KCNJ3: variants seen among roughly 807,000 people sequenced by gnomAD.
KCNJ3 encodes potassium inwardly rectifying channel subfamily J member 3, also known as G protein-activated inward rectifier potassium channel 1.
In KCNJ3, 4 loss-of-function variants were observed where a neutral mutation model predicts 39.2. The ratio of observed to expected loss-of-function variants is 0.10; its 90% CI spans 0.05 to 0.23. KCNJ3 has a LOEUF of 0.23. Ranked by LOEUF, KCNJ3 falls within the 10% of genes least tolerant of loss-of-function variation. KCNJ3 has a pLI of 1.00. For synonymous variants in KCNJ3, 230 were observed against 237.4 expected (o/e 0.97, Z 0.29); for missense variants, 276 against 634.9 (o/e 0.43, Z 6.08).
At chr2:154,809,577 G>A (rs906257140) in intron 2 of KCNJ3, among the ~76,000 whole-genome samples, 3 of 152,212 alleles carry the variant, frequency 2.0e-5, no homozygotes, top group Admixed American at 1.3e-4. Context: ...TTTTAGCACC[G>A]TCTACCACAG....
intron 2 of KCNJ3, among the ~76,000 whole-genome samples, chr2:154,786,798 T>C (rs1381701026): frequency 6.6e-6 from 1 of 152,200 alleles, no homozygotes; most frequent in Non-Finnish European, 1.5e-5. Context: ...TTTAGAATAG[T>C]AGTTGCCAAA....
rs1281817361 is a variant in KCNJ3 at position 154,724,827 on chromosome 2, T to C, written c.919+15008T>C. Among the ~76,000 whole-genome samples the C allele has an allele frequency of 1.8e-4, 27 of 147,366 alleles. 1 individual carries two copies. In the Admixed American group the frequency reaches 1.8e-3, roughly 10 times the overall value. ...AATTATTTATAAATAAAATATACAT[T>C]TATATTTATATTTATACTTATATTT... On this transcript the variant is annotated intron_variant, in intron 2 of 2. Transcript: ENST00000295101.
At chr2:154,743,373 T>G (rs935552528) in intron 2 of KCNJ3, among the ~76,000 whole-genome samples, 4 of 151,744 alleles carry the variant, frequency 2.6e-5, no homozygotes, top group African/African-American at 9.7e-5. Context: ...AGTTTTTCTA[T>G]TTCTTCAAAA....
At chr2:154,709,526 T>G (rs1238227154) in intron 1 of KCNJ3, 77 bp from the exon 2 acceptor site, 1 of 1,394,520 alleles carries the variant, frequency 7.2e-7, no homozygotes, top group South Asian at 1.3e-5. Context: ...TTGGCAATGA[T>G]GTAAATTACT....
intron 2 of KCNJ3, among the ~76,000 whole-genome samples, chr2:154,832,445 TTTCTC>T (rs1369905398): frequency 1.3e-5 from 2 of 152,196 alleles, no homozygotes; most frequent in Non-Finnish European, 2.9e-5. Flanking sequence ...GATGGAAACA[TTTCTC>T]TTTTAAGATT....
intron 2 of KCNJ3, among the ~76,000 whole-genome samples, chr2:154,765,940 G>A (rs1482198122): frequency 6.6e-6 from 1 of 152,136 alleles, no homozygotes; most frequent in African/African-American, 2.4e-5. Context: ...GTGATATTTA[G>A]TCTGATTCTA....
chr2:154,744,396 T>C (rs954639200), intron 2 of KCNJ3, among the ~76,000 whole-genome samples: 1 of 151,826 alleles, frequency 6.6e-6, no homozygotes, highest in African/African-American at 2.4e-5. Flanking sequence ...GTATTGTTTA[T>C]AACTAGTGTT....
At chr2:154,723,862 A>T (rs986757998) in intron 2 of KCNJ3, among the ~76,000 whole-genome samples, 19 of 152,154 alleles carry the variant, frequency 1.2e-4, no homozygotes, top group African/African-American at 3.9e-4. Flanking sequence ...AGTCTTTTAA[A>T]AATCCTTCAG....
chr2:154,730,201 T>C (rs1482345071), intron 2 of KCNJ3, among the ~76,000 whole-genome samples: 2 of 152,018 alleles, frequency 1.3e-5, no homozygotes, highest in Non-Finnish European at 2.9e-5. Context: ...GCCTGGGAAA[T>C]TATCTCTCCA....
intron 2 of KCNJ3, among the ~76,000 whole-genome samples, chr2:154,766,156 G>T (rs951871495): frequency 1.3e-5 from 2 of 152,158 alleles, no homozygotes; most frequent in Admixed American, 6.6e-5. Context: ...ATTTCTTTCT[G>T]CAAAAGGACG....
At chr2:154,782,677 C>G (rs1246560565) in intron 2 of KCNJ3, among the ~76,000 whole-genome samples, 3 of 152,116 alleles carry the variant, frequency 2.0e-5, no homozygotes, top group Non-Finnish European at 4.4e-5. Flanking sequence ...ATAAAGTGTT[C>G]TCTCTGTGAA....
rs60716680 is a variant in KCNJ3, at chr2:154,777,698, T to G, written c.919+67879T>G. Among the ~76,000 whole-genome samples the G allele has an allele frequency of 2.4e-4, 36 of 152,326 alleles. No homozygotes were observed. In the East Asian group the frequency reaches 7.0e-3, roughly 29 times the overall value. ...AGGATTTTGGGAATGTTTTAATTTT[T>G]TTTCTTTTGAAATGTATTTCTTCAG... On this transcript the variant is annotated intron_variant, in intron 2 of 2. Coordinates refer to ENST00000295101, the MANE Select transcript of KCNJ3 (RefSeq NM_002239.4).
chr2:154,707,141 A>G (rs1326748898), intron 1 of KCNJ3, among the ~76,000 whole-genome samples: 1 of 152,142 alleles, frequency 6.6e-6, no homozygotes, highest in Non-Finnish European at 1.5e-5. Flanking sequence ...ATACATATGT[A>G]AAGAATTTCA....
intron 2 of KCNJ3, among the ~76,000 whole-genome samples, chr2:154,776,999 G>A (rs1686347478): frequency 6.6e-6 from 1 of 151,916 alleles, no homozygotes; most frequent in Non-Finnish European, 1.5e-5. Flanking sequence ...TCTTGTGCTA[G>A]TTTATCCAGA....
At chr2:154,848,498 C>T (rs1255234859) in intron 2 of KCNJ3, among the ~76,000 whole-genome samples, 1 of 151,960 alleles carries the variant, frequency 6.6e-6, no homozygotes. Context: ...TTCTTTTTCC[C>T]GTCCAGTAGG....
At chr2:154,764,796 G>A (rs944609145) in intron 2 of KCNJ3, among the ~76,000 whole-genome samples, 1 of 152,172 alleles carries the variant, frequency 6.6e-6, no homozygotes, top group Non-Finnish European at 1.5e-5. Context: ...TGGGCTGCAT[G>A]CAGCCTAAGG....
chr2:154,709,506 G>C, intron 1 of KCNJ3, 97 bp from the exon 2 acceptor site: 1 of 1,233,240 alleles, frequency 8.1e-7, no homozygotes, highest in Non-Finnish European at 1.1e-6. Flanking sequence ...ATGATTGATA[G>C]TGCAGAATGT....
chr2:154,856,198 C>A lies in KCNJ3; in HGVS notation c.*885C>A, dbSNP rs1045695829. On this transcript the variant is annotated 3_prime_UTR_variant, in exon 3 of 3. Coordinates refer to ENST00000295101, the MANE Select transcript of KCNJ3 (RefSeq NM_002239.4). The stretch of plus-strand genomic sequence containing the variant: ...ATTCCTTTCCTAGACTAATTAAAAT[C>A]TGGAAATCTGTTTTGTATATGATCT... 1.3e-5 allele frequency: 2 copies of A among 152,508 alleles called. No homozygotes were observed. Among genetic ancestry groups the A allele is most frequent in the African/African-American group, 4.8e-5 (2 of 41,424 alleles). 9.4% of individuals were successfully genotyped at this position (152,508 alleles called of 1,614,324 possible).
rs6704877 is a variant in KCNJ3, at chr2:154,740,286, T to C, written c.919+30467T>C. ...TGATTGATCTTATGTTCCCTGTTGT[T>C]GCCAGTAATTAAAAAGGTACCTGCT... On this transcript the variant is annotated intron_variant, in intron 2 of 2. Coordinates refer to ENST00000295101, the MANE Select transcript of KCNJ3 (RefSeq NM_002239.4). 3.0e-3 allele frequency among the ~76,000 whole-genome samples: 455 copies of C among 152,188 alleles called. 1 individual carries two copies. The highest frequency in any genetic ancestry group is 9.0e-3 in the African/African-American group (372 of 41,550).
Sources: gnomAD v4.1 joint callset for allele counts (sites outside exome capture counted in the v4.1 genomes callset) on GRCh38, gnomAD v4.1.1 for gene constraint, MANE v1.5 for transcripts, NCBI Gene and HGNC (gene_info 2026-07-23, HGNC 2026-07-21) for gene names.